Variants in COL22A1 observed in about 807,000 individuals in gnomAD.
The protein encoded by COL22A1 is collagen type XXII alpha 1 chain.
Under a neutral mutation model 248.9 loss-of-function variants are expected in COL22A1, and 221 were observed. The observed-to-expected ratio is 0.89, with a 90% confidence interval of 0.80 to 0.99. The LOEUF (loss-of-function observed/expected upper bound fraction) is 0.99. Among genes scored for constraint, COL22A1 ranks in the 50% least tolerant of loss-of-function variants. COL22A1 has a pLI of 0.00. For synonymous variants in COL22A1, 891 were observed against 793.4 expected (o/e 1.12, Z -2.07); for missense variants, 2,240 against 2,179.0 (o/e 1.03, Z -0.56).
Position 138,812,937 on chromosome 8 carries a change from AC to A in COL22A1, c.1326+1del. Reference sequence around the variant, plus strand: ...ATCCTCTCTGTGCGAGAGTCTGCTCACCGGACCCGAGGGGATATCACAACAA... The same window carrying A: ...ATCCTCTCTGTGCGAGAGTCTGCTCACGGACCCGAGGGGATATCACAACAA... On this transcript the variant is annotated splice_donor_variant, in intron 8 of 64. Transcript: ENST00000303045. LOFTEE classifies it high-confidence loss of function. 6.2e-7 allele frequency: 1 copy of A among 1,610,892 alleles called. No homozygotes were observed. The highest frequency in any genetic ancestry group is 8.5e-7 in the Non-Finnish European group (1 of 1,177,206).
intron 41 of COL22A1, among the ~76,000 whole-genome samples, chr8:138,673,565 G>T (rs1475920238): frequency 6.6e-6 from 1 of 152,104 alleles, no homozygotes; most frequent in Non-Finnish European, 1.5e-5. Context: ...AAGATTAATG[G>T]AAATGAATAA....
At chr8:138,910,456 C>T (rs1284096444) in intron 1 of COL22A1, among the ~76,000 whole-genome samples, 2 of 152,170 alleles carry the variant, frequency 1.3e-5, no homozygotes, top group Non-Finnish European at 2.9e-5. Flanking sequence ...AGACTCAGTT[C>T]TGTCTCAAAA....
chr8:138,776,101 G>A, intron 15 of COL22A1, 91 bp from the exon 16 acceptor site: 1 of 1,291,296 alleles, frequency 7.7e-7, no homozygotes, highest in Non-Finnish European at 1.1e-6. Flanking sequence ...CTGCCTGGCA[G>A]CTTCCAGCCC....
intron 4 of COL22A1, among the ~76,000 whole-genome samples, chr8:138,834,680 T>A (rs560333270): frequency 2.0e-5 from 3 of 152,316 alleles, no homozygotes; most frequent in African/African-American, 7.2e-5. Flanking sequence ...GTCATTGCTG[T>A]GAGACTTAAA....
rs1404908422 is a variant in COL22A1 at position 138,804,449 on chromosome 8, C to T, written c.1495-1515G>A. On this transcript the variant is annotated intron_variant, in intron 10 of 64. Transcript: ENST00000303045. ...CAGGGCCTGCTCTGCTCAAGCACAG[C>T]AGAGGCAGCCATTACTAAACAGCCC... Among the ~76,000 whole-genome samples, 7 of 152,322 alleles carry T rather than the reference C, an allele frequency of 4.6e-5. No individual in the cohort carries two copies. The East Asian group carries it at 1.4e-3, about 29-fold the overall frequency.
At chr8:138,650,854 G>C (rs994803541) in intron 45 of COL22A1, among the ~76,000 whole-genome samples, 4 of 152,178 alleles carry the variant, frequency 2.6e-5, no homozygotes, top group African/African-American at 9.7e-5. Flanking sequence ...GTCAGGCACT[G>C]TGCTAAGTTT....
chr8:138,705,702 G>A (rs144590377), intron 30 of COL22A1, among the ~76,000 whole-genome samples: 1,687 of 152,256 alleles, frequency 0.011, 19 homozygotes, highest in Middle Eastern at 0.02. Context: ...CACCACCCAT[G>A]CTAGGAAGAA....
intron 22 of COL22A1, among the ~76,000 whole-genome samples, chr8:138,749,284 C>A (rs1399346809): frequency 6.6e-6 from 1 of 152,140 alleles, no homozygotes; most frequent in Admixed American, 6.5e-5. Context: ...AAGGTATGAG[C>A]CTGGTGAGTG....
rs1563781240 is a variant in COL22A1 at position 138,802,884 on chromosome 8, C to T, written c.1545G>A (p.Glu515=). Reference sequence around the variant, plus strand: ...GCCATCTACTCACCACATCACCTTTCTCTCCCTTAGGTCCAGGAGCGCCAA... The same window carrying T: ...GCCATCTACTCACCACATCACCTTTTTCTCCCTTAGGTCCAGGAGCGCCAA... The part of the protein sequence containing the change: ...GPVGAPGPKG[E]KGDVGIGPFG... The change falls in exon 11 of 65, where the codon GAG becomes GAA. Residue 515 remains glutamate (E), a synonymous_variant. Transcript: ENST00000303045. 1 of 1,613,904 alleles carries T rather than the reference C, an allele frequency of 6.2e-7. No individual in the cohort carries two copies. Among genetic ancestry groups the T allele is most frequent in the South Asian group, 1.1e-5 (1 of 91,084 alleles).
At chr8:138,772,908 A>T (rs1834503670) in intron 16 of COL22A1, among the ~76,000 whole-genome samples, 1 of 152,092 alleles carries the variant, frequency 6.6e-6, no homozygotes, top group Non-Finnish European at 1.5e-5. Context: ...ATAGTTTTGG[A>T]TTTCTTCAGA....
chr8:138,791,399 C>T (rs904929268), intron 12 of COL22A1, among the ~76,000 whole-genome samples: 31 of 152,282 alleles, frequency 2.0e-4, no homozygotes, highest in African/African-American at 4.8e-4. Context: ...CCAAGCACAC[C>T]GGACTCCATC....
At chr8:138,909,550 A>AT (rs905847946) in intron 1 of COL22A1, among the ~76,000 whole-genome samples, 8 of 151,716 alleles carry the variant, frequency 5.3e-5, no homozygotes, top group East Asian at 1.9e-4. Context: ...ATCAATTCTG[A>AT]TTTTTTTAAA....
intron 2 of COL22A1, among the ~76,000 whole-genome samples, chr8:138,881,025 TG>T (rs1361462244): frequency 6.6e-6 from 1 of 152,200 alleles, no homozygotes; most frequent in African/African-American, 2.4e-5. Flanking sequence ...CCCGGGCAGG[TG>T]CCCTGGCTTC....
At chr8:138,731,219 T>A (rs1830682248) in intron 23 of COL22A1, among the ~76,000 whole-genome samples, 1 of 152,044 alleles carries the variant, frequency 6.6e-6, no homozygotes. Flanking sequence ...GAGAATCGCT[T>A]GAACCTGGGA....
chr8:138,883,771 A>C (rs1239664947), intron 1 of COL22A1, among the ~76,000 whole-genome samples: 2 of 152,026 alleles, frequency 1.3e-5, no homozygotes, highest in African/African-American at 4.8e-5. Context: ...TTCCTCCATA[A>C]CTGTAAGTTC....
chr8:138,876,343 G>A (rs556559649), intron 3 of COL22A1, among the ~76,000 whole-genome samples: 1 of 152,168 alleles, frequency 6.6e-6, no homozygotes, highest in South Asian at 2.1e-4. Context: ...CACATACCAC[G>A]ACCACACATG....
At chr8:138,608,023 G>A in intron 56 of COL22A1, 34 bp from the exon 57 acceptor site, 1 of 1,603,640 alleles carries the variant, frequency 6.2e-7, no homozygotes, top group Non-Finnish European at 8.5e-7. Context: ...CATCCTGCCA[G>A]GGCATCAAAG....
chr8:138,791,648 T>C (rs1489638869), intron 12 of COL22A1, among the ~76,000 whole-genome samples: 1 of 152,162 alleles, frequency 6.6e-6, no homozygotes. Context: ...GTGGATTTCC[T>C]GCACACTTGG....
chr8:138,629,440 C>T (rs1820527597), intron 50 of COL22A1, among the ~76,000 whole-genome samples: 2 of 152,318 alleles, frequency 1.3e-5, no homozygotes, highest in South Asian at 4.1e-4. Context: ...AGGCATGAGC[C>T]ACTGTGCCCG....
Sources: allele counts gnomAD v4.1 joint callset (sites outside exome capture counted in the v4.1 genomes callset), GRCh38; gene constraint gnomAD v4.1.1; transcripts MANE v1.5; gene names NCBI Gene and HGNC (gene_info 2026-07-23, HGNC 2026-07-21).